The following GRIK1 variants were observed in gnomAD, a reference collection of about 807,000 sequenced individuals.
GRIK1 encodes the protein glutamate receptor ionotropic, kainate 1.
A neutral mutation model predicts 105.7 loss-of-function variants in GRIK1; 69 were observed. The observed-to-expected ratio is 0.65, with a 90% confidence interval of 0.54 to 0.80. The LOEUF (loss-of-function observed/expected upper bound fraction) is 0.80. GRIK1 is among the 30% of genes least tolerant of loss of function. The pLI is 0.00. For synonymous variants in GRIK1, 438 were observed against 431.3 expected, an observed-to-expected ratio of 1.02 and a Z score of -0.19; for missense variants, 1,109 against 1,167.3, an observed-to-expected ratio of 0.95 and a Z score of 0.73.
intron 1 of GRIK1, among the ~76,000 whole-genome samples, chr21:29,848,088 G>T (rs748027081): frequency 2.0e-5 from 3 of 151,972 alleles, no homozygotes; most frequent in South Asian, 2.1e-4. Context: ...TTTCTAACTT[G>T]ATCGTCTCAG....
At chr21:29,558,112 T>C (rs2090301847) in intron 15 of GRIK1, among the ~76,000 whole-genome samples, 1 of 152,112 alleles carries the variant, frequency 6.6e-6, no homozygotes, top group African/African-American at 2.4e-5. Flanking sequence ...TCTCAGGAGG[T>C]ACATTTCCAG....
intron 1 of GRIK1, among the ~76,000 whole-genome samples, chr21:29,710,040 T>C (rs1366533661): frequency 6.6e-6 from 1 of 151,672 alleles, no homozygotes; most frequent in Non-Finnish European, 1.5e-5. Flanking sequence ...AAATAAATGC[T>C]ATATTATTAA....
chr21:29,860,918 T>C (rs149562547), intron 1 of GRIK1, among the ~76,000 whole-genome samples: 142 of 152,196 alleles, frequency 9.3e-4, no homozygotes, highest in Non-Finnish European at 1.8e-3. Flanking sequence ...AAACATTAAT[T>C]TTAACTATCA....
At chr21:29,843,487 C>T (rs1410254821) in intron 1 of GRIK1, among the ~76,000 whole-genome samples, 1 of 152,168 alleles carries the variant, frequency 6.6e-6, no homozygotes, top group African/African-American at 2.4e-5. Flanking sequence ...TTGATGGTTA[C>T]ATAACTCCAA....
At chr21:29,779,647 A>G (rs2066037054) in intron 1 of GRIK1, among the ~76,000 whole-genome samples, 2 of 152,184 alleles carry the variant, frequency 1.3e-5, no homozygotes, top group Admixed American at 6.5e-5. Flanking sequence ...CCATGAATAT[A>G]TAGTATGAGC....
chr21:29,647,205 C>T (rs1161929422), intron 6 of GRIK1, among the ~76,000 whole-genome samples: 1 of 152,162 alleles, frequency 6.6e-6, no homozygotes, highest in African/African-American at 2.4e-5. Flanking sequence ...AAATTCAATT[C>T]TATGTACTAG....
rs143282156 is a variant in GRIK1, at chr21:29,746,155, C to T, written c.119-52092G>A. On this transcript the variant is annotated intron_variant, in intron 1 of 17. Coordinates refer to ENST00000327783, the MANE Select transcript of GRIK1 (RefSeq NM_001330994.2). ...GAAAAGAGAAGAGCTACACATAGCA[C>T]AATTATTCTTGGAACTATTTTGCAC... 3.4e-3 allele frequency among the ~76,000 whole-genome samples: 516 copies of T among 152,138 alleles called. 4 individuals are homozygous for T. Among genetic ancestry groups the T allele is most frequent in the African/African-American group, 0.012 (490 of 41,512 alleles).
intron 1 of GRIK1, among the ~76,000 whole-genome samples, chr21:29,758,212 T>C (rs1465244183): frequency 6.6e-6 from 1 of 152,202 alleles, no homozygotes; most frequent in African/African-American, 2.4e-5. Flanking sequence ...GGAAATAACA[T>C]CAAGTCTCTG....
At chr21:29,715,047 C>A (rs1438566983) in intron 1 of GRIK1, among the ~76,000 whole-genome samples, 2 of 152,190 alleles carry the variant, frequency 1.3e-5, no homozygotes, top group Admixed American at 6.5e-5. Context: ...ATTGGATGAA[C>A]TCTTAAATGA....
chr21:29,855,960 C>G (rs1318472961), intron 1 of GRIK1, among the ~76,000 whole-genome samples: 1 of 152,016 alleles, frequency 6.6e-6, no homozygotes, highest in East Asian at 1.9e-4. Flanking sequence ...GGATGGAAGA[C>G]TGGAATTGGG....
chr21:29,885,412 C>A (rs187679746), intron 1 of GRIK1, among the ~76,000 whole-genome samples: 1 of 151,870 alleles, frequency 6.6e-6, no homozygotes. Context: ...TTTTTCTTAA[C>A]GTAAGAAAAA....
chr21:29,821,656 C>T (rs962879091), intron 1 of GRIK1, among the ~76,000 whole-genome samples: 17 of 152,004 alleles, frequency 1.1e-4, no homozygotes, highest in South Asian at 4.2e-4. Flanking sequence ...AAATTATTAC[C>T]GTAGTATAGT....
chr21:29,924,960 C>T (rs576633382), intron 1 of GRIK1, among the ~76,000 whole-genome samples: 114 of 152,288 alleles, frequency 7.5e-4, no homozygotes, highest in African/African-American at 2.4e-3. Context: ...GCAATCATTA[C>T]GAATGATGAT....
At chr21:29,612,728 G>A in intron 7 of GRIK1, among the ~76,000 whole-genome samples, 1 of 152,100 alleles carries the variant, frequency 6.6e-6, no homozygotes. Context: ...AATATAAACA[G>A]TAAATTAATA....
chr21:29,720,965 C>T (rs1020849073), intron 1 of GRIK1, among the ~76,000 whole-genome samples: 6 of 151,886 alleles, frequency 4.0e-5, no homozygotes, highest in South Asian at 2.1e-4. Context: ...CTCCTATCAC[C>T]GGAGAGGAGA....
At position 29,635,623 on chromosome 21, in the gene GRIK1, T is replaced by C. The variant is rs2062382472; in HGVS notation, c.1098+7203A>G. ...AGTGACAAAAGAGTGCTAACCAGAG[T>C]TGACCAATTGGTTTTTTGGCTGACA... On this transcript the variant is annotated intron_variant, in intron 7 of 17. Coordinates refer to ENST00000327783, the MANE Select transcript of GRIK1 (RefSeq NM_001330994.2). 2.0e-5 allele frequency among the ~76,000 whole-genome samples: 3 copies of C among 152,224 alleles called. No individual in the cohort carries two copies. In the South Asian group the frequency reaches 6.2e-4, roughly 32 times the overall value.
chr21:29,907,403 C>T (rs2070681791), intron 1 of GRIK1, among the ~76,000 whole-genome samples: 1 of 152,072 alleles, frequency 6.6e-6, no homozygotes, highest in Non-Finnish European at 1.5e-5. Flanking sequence ...GGATTCATTA[C>T]ATAATAATTA....
chr21:29,922,957 A>G (rs1379644205), intron 1 of GRIK1, among the ~76,000 whole-genome samples: 1 of 152,204 alleles, frequency 6.6e-6, no homozygotes, highest in East Asian at 1.9e-4. Flanking sequence ...CTAGCTAGAA[A>G]GCAATCACCC....
intron 1 of GRIK1, among the ~76,000 whole-genome samples, chr21:29,824,403 C>T (rs1569133403): frequency 6.6e-6 from 1 of 151,892 alleles, no homozygotes; most frequent in Non-Finnish European, 1.5e-5. Flanking sequence ...ATGAAGCTTA[C>T]ATTTCACTAG....
Sources: gnomAD v4.1 joint callset for allele counts (sites outside exome capture counted in the v4.1 genomes callset) on GRCh38, gnomAD v4.1.1 for gene constraint, MANE v1.5 for transcripts, NCBI Gene and HGNC (gene_info 2026-07-23, HGNC 2026-07-21) for gene names.